The following STXBP6 variants were observed in gnomAD, a reference collection of about 807,000 sequenced individuals.
STXBP6 encodes syntaxin binding protein 6.
Under a neutral mutation model 26.9 loss-of-function variants are expected in STXBP6, and 21 were observed. That is an observed-to-expected ratio of 0.78 (90% CI 0.55 to 1.12). The LOEUF is 1.12. Ranked by LOEUF, STXBP6 falls within the 50% of genes most tolerant of loss-of-function variation. The pLI, the probability that STXBP6 is intolerant of heterozygous loss-of-function variation, is 0.00. For missense variants in STXBP6, 232 were observed against 257.9 expected, an observed-to-expected ratio of 0.90 and a Z score of 0.69; for synonymous variants, 97 against 92.6, an observed-to-expected ratio of 1.05 and a Z score of -0.27.
At chr14:24,832,946 T>C (rs1213512986) in intron 4 of STXBP6, among the ~76,000 whole-genome samples, 1 of 152,232 alleles carries the variant, frequency 6.6e-6, no homozygotes, top group African/African-American at 2.4e-5. Context: ...TAATGGCTAC[T>C]CTTTAAGATA....
At chr14:24,835,863 A>C (rs1021665190) in intron 4 of STXBP6, among the ~76,000 whole-genome samples, 27 of 152,170 alleles carry the variant, frequency 1.8e-4, no homozygotes, top group African/African-American at 6.3e-4. Flanking sequence ...ATCTTTGTGG[A>C]TGGAGACACC....
chr14:24,817,514 TAA>T (rs1402498263), intron 5 of STXBP6: 1 of 159,830 alleles, frequency 6.3e-6, no homozygotes, highest in Non-Finnish European at 1.4e-5. Flanking sequence ...AAGACTGTTA[TAA>T]AGTTATTCCC....
chr14:24,899,745 C>T (rs2071133736), intron 2 of STXBP6, among the ~76,000 whole-genome samples: 1 of 139,792 alleles, frequency 7.2e-6, no homozygotes, highest in Non-Finnish European at 1.5e-5. Context: ...CGTGCCACCG[C>T]ACTCTAGCCT....
intron 2 of STXBP6, among the ~76,000 whole-genome samples, chr14:24,864,912 T>C (rs961254090): frequency 6.6e-6 from 1 of 152,118 alleles, no homozygotes; most frequent in African/African-American, 2.4e-5. Context: ...AAAAAGTGCA[T>C]GGTATCACTA....
intron 2 of STXBP6, among the ~76,000 whole-genome samples, chr14:24,926,432 G>C (rs980033808): frequency 6.6e-6 from 1 of 152,104 alleles, no homozygotes; most frequent in Admixed American, 6.6e-5. Context: ...ATTGGTCTTA[G>C]AGTCTTCTAT....
intron 2 of STXBP6, among the ~76,000 whole-genome samples, chr14:24,922,421 A>G (rs2072013944): frequency 6.6e-6 from 1 of 152,094 alleles, no homozygotes; most frequent in African/African-American, 2.4e-5. Context: ...CGGAATTATC[A>G]ATACCATTAT....
intron 2 of STXBP6, among the ~76,000 whole-genome samples, chr14:24,957,997 T>C (rs370868331): frequency 6.6e-6 from 1 of 152,288 alleles, no homozygotes; most frequent in South Asian, 2.1e-4. Context: ...GAAAGAGTGA[T>C]GCAACTTCTT....
chr14:25,038,613 T>G (rs146073381), intron 1 of STXBP6, among the ~76,000 whole-genome samples: 1 of 152,076 alleles, frequency 6.6e-6, no homozygotes, highest in Admixed American at 6.5e-5. Flanking sequence ...AAGCAGAGAT[T>G]AGAGTGGTTG....
chr14:25,049,575 G>A lies in STXBP6; in HGVS notation c.-33+303C>T. On this transcript the variant is annotated intron_variant, in intron 1 of 5. Coordinates refer to ENST00000323944, the MANE Select transcript of STXBP6 (RefSeq NM_001394410.1). The surrounding 1 kb of genome is among the most constrained non-coding windows in gnomAD (Gnocchi z 5.6). ...AGGCTCCATCCTCAACTTTCTCGGA[G>A]GAAATCGCTCCGTTCTGCGGCTTGC... 1 of 985,480 alleles carries A rather than the reference G, an allele frequency of 1.0e-6. No individual in the cohort carries two copies. The highest frequency in any genetic ancestry group is 1.7e-5 in the African/African-American group (1 of 57,374). 61.0% of individuals were successfully genotyped at this position (985,480 alleles called of 1,614,324 possible). A position where few individuals can be genotyped will look rare whatever the true frequency, so the allele number is the denominator to read the frequency against.
chr14:24,864,433 C>T (rs1192804951), intron 2 of STXBP6, among the ~76,000 whole-genome samples: 1 of 152,052 alleles, frequency 6.6e-6, no homozygotes, highest in Non-Finnish European at 1.5e-5. Flanking sequence ...AAACCCTTTA[C>T]AATGAGAAGA....
At chr14:24,832,866 C>T (rs79019343) in intron 4 of STXBP6, among the ~76,000 whole-genome samples, 3,934 of 152,250 alleles carry the variant, frequency 0.026, 195 homozygotes, top group East Asian at 0.21. Context: ...TTAGAAACTA[C>T]GATTTGCTAA....
intron 2 of STXBP6, among the ~76,000 whole-genome samples, chr14:24,872,265 A>C (rs1300554964): frequency 6.6e-6 from 1 of 152,216 alleles, no homozygotes; most frequent in Non-Finnish European, 1.5e-5. Context: ...ATATAAAAAA[A>C]GGAAAGACAA....
At chr14:24,961,758 A>G (rs2073548919) in intron 2 of STXBP6, among the ~76,000 whole-genome samples, 1 of 152,178 alleles carries the variant, frequency 6.6e-6, no homozygotes, top group Non-Finnish European at 1.5e-5. Context: ...CAATATATCC[A>G]TGTAACAAAC....
intron 1 of STXBP6, among the ~76,000 whole-genome samples, chr14:25,006,373 A>G (rs1161198379): frequency 6.6e-6 from 1 of 152,184 alleles, no homozygotes; most frequent in East Asian, 1.9e-4. Flanking sequence ...CCCCCTTCCA[A>G]GCTTTCTCTT....
At chr14:25,027,638 T>C (rs1362259958) in intron 1 of STXBP6, among the ~76,000 whole-genome samples, 1 of 152,162 alleles carries the variant, frequency 6.6e-6, no homozygotes, top group Non-Finnish European at 1.5e-5. Context: ...CTCTAAGTGT[T>C]CAAATAAAGG....
chr14:25,041,835 C>T (rs1011636906), intron 1 of STXBP6, among the ~76,000 whole-genome samples: 2 of 152,218 alleles, frequency 1.3e-5, no homozygotes, highest in Non-Finnish European at 1.5e-5. Context: ...TTCAAATGCT[C>T]TGCCCTGGCA....
At chr14:24,908,658 A>G (rs963482271) in intron 2 of STXBP6, among the ~76,000 whole-genome samples, 1 of 152,084 alleles carries the variant, frequency 6.6e-6, no homozygotes, top group Non-Finnish European at 1.5e-5. Context: ...GTCTTCCTCC[A>G]CAAATGGTCC....
chr14:25,022,355 C>T (rs914794588), intron 1 of STXBP6, among the ~76,000 whole-genome samples: 1 of 152,158 alleles, frequency 6.6e-6, no homozygotes, highest in East Asian at 1.9e-4. Context: ...CTCTCTCTTC[C>T]TAGAGTTCCC....
At chr14:24,973,933 C>T (rs1487048454) in intron 2 of STXBP6, among the ~76,000 whole-genome samples, 1 of 152,086 alleles carries the variant, frequency 6.6e-6, no homozygotes, top group Non-Finnish European at 1.5e-5. Context: ...CTTAAATCTT[C>T]CATCACTCCA....
Sources: gnomAD v4.1 joint callset for allele counts (sites outside exome capture counted in the v4.1 genomes callset) on GRCh38, gnomAD v4.1.1 for gene constraint, Gnocchi (gnomAD v3.1) non-coding constraint, MANE v1.5 for transcripts, NCBI Gene and HGNC (gene_info 2026-07-23, HGNC 2026-07-21) for gene names.